The following KIF19 variants were observed in gnomAD, a reference collection of about 807,000 sequenced individuals.
The protein encoded by KIF19 is kinesin family member 19, also known as kinesin-like protein KIF19.
Under a neutral mutation model 106.6 loss-of-function variants are expected in KIF19, and 98 were observed. The observed-to-expected ratio is 0.92, with a 90% confidence interval of 0.78 to 1.09. The LOEUF (loss-of-function observed/expected upper bound fraction) is 1.09, where lower values mean the gene tolerates loss of function less well. Among genes scored for constraint, KIF19 ranks in the 50% least tolerant of loss-of-function variants. The pLI, the probability that KIF19 is intolerant of heterozygous loss-of-function variation, is 0.00. For synonymous variants in KIF19, 516 were observed against 584.2 expected (o/e 0.88, Z 1.68); for missense variants, 1,373 against 1,414.3 (o/e 0.97, Z 0.47).
rs762279913 is a variant in KIF19, at chr17:74,353,499, GGCT to G, written c.2227_2229del (p.Ala743del). 2 of 1,613,776 alleles carry G rather than the reference GGCT, an allele frequency of 1.2e-6. No individual in the cohort carries two copies. The highest frequency in any genetic ancestry group is 1.7e-6 in the Non-Finnish European group (2 of 1,179,812). ...CCAACCACTCCACCCCACAGGCCCC[GGCT>G]CAGGACAGCCTGGGCAGCTGGATCA... On this transcript the variant is annotated inframe_deletion, in exon 17 of 20. Transcript: ENST00000389916.
At chr17:74,347,133 C>T (rs1241307380) in intron 8 of KIF19, among the ~76,000 whole-genome samples, 1 of 152,148 alleles carries the variant, frequency 6.6e-6, no homozygotes, top group Non-Finnish European at 1.5e-5. Context: ...CAGAGGCCTC[C>T]CTGATCTAAT....
intron 17 of KIF19, among the ~76,000 whole-genome samples, chr17:74,353,897 C>T (rs1316584216): frequency 1.3e-5 from 2 of 152,310 alleles, no homozygotes; most frequent in East Asian, 1.9e-4. Context: ...AATATCGATT[C>T]AATGTCTGCC....
At chr17:74,328,308 G>A (rs995240416) in intron 1 of KIF19, 117 bp from the exon 2 acceptor site, 2 of 867,266 alleles carry the variant, frequency 2.3e-6, no homozygotes, top group Non-Finnish European at 3.6e-6. Flanking sequence ...TTTTACTTAG[G>A]ACAAGGGAGG....
chr17:74,345,870 G>A (rs914771865), intron 7 of KIF19, among the ~76,000 whole-genome samples: 21 of 152,112 alleles, frequency 1.4e-4, no homozygotes, highest in African/African-American at 4.1e-4. Flanking sequence ...AGCTGGTCCC[G>A]GCTTCTCCAG....
In KIF19 at chr17:74,355,500, G is replaced by T; in HGVS notation, c.*188G>T. 1 of 732,436 alleles carries T rather than the reference G, an allele frequency of 1.4e-6. No individual in the cohort carries two copies. The highest frequency in any genetic ancestry group is 2.1e-6 in the Non-Finnish European group (1 of 474,868). 45.4% of individuals were successfully genotyped at this position (732,436 alleles called of 1,614,324 possible). A position where few individuals can be genotyped will look rare whatever the true frequency, so the allele number is the denominator to read the frequency against. The stretch of plus-strand genomic sequence containing the variant: ...CTCCCATGCTTTCAGTGCCACTGGG[G>T]AAAAGAGGTGAGGCCAGGGGACATG... On this transcript the variant is annotated 3_prime_UTR_variant, in exon 20 of 20. Transcript: ENST00000389916.
chr17:74,340,384 G>C lies in KIF19; in HGVS notation c.121-1492G>C, dbSNP rs80263690. 7.0e-3 allele frequency among the ~76,000 whole-genome samples: 1,067 copies of C among 152,262 alleles called. 19 individuals are homozygous for C. Among genetic ancestry groups the C allele is most frequent in the African/African-American group, 0.024 (1,001 of 41,526 alleles). On this transcript the variant is annotated intron_variant, in intron 2 of 19. Transcript: ENST00000389916. ...TCCTCTGCATCTCTGCATAGAGCTCGGGACAAGGCTGAGTACACACCAAGT... is the reference window on the plus strand; with the variant it reads ...TCCTCTGCATCTCTGCATAGAGCTCCGGACAAGGCTGAGTACACACCAAGT...
intron 9 of KIF19, chr17:74,348,904 G>T (rs1430483918): frequency 6.3e-6 from 3 of 473,338 alleles, no homozygotes; most frequent in African/African-American, 2.0e-5. Context: ...GGATGTTCAT[G>T]CAGGAGCGGT....
chr17:74,341,422 T>C (rs1320063697), intron 2 of KIF19, among the ~76,000 whole-genome samples: 2 of 152,178 alleles, frequency 1.3e-5, no homozygotes, highest in Non-Finnish European at 1.5e-5. Context: ...GTTGCACCTC[T>C]CTGGCAGAGG....
intron 4 of KIF19, 150 bp downstream of exon 4, chr17:74,342,867 C>A: frequency 3.3e-6 from 4 of 1,209,794 alleles, no homozygotes; most frequent in Admixed American, 2.1e-5. Flanking sequence ...GAGGCCCCAA[C>A]CCGAGCCGGG....
In KIF19 at chr17:74,352,096, T is replaced by C. The variant is rs755970349; in HGVS notation, c.1817T>C (p.Leu606Pro). Reference protein sequence around the residue: ...AVRRLEQHRSLCDEIIQGQRQ... With the variant: ...AVRRLEQHRSPCDEIIQGQRQ... ...CGCCGCCTGGAGCAGCACCGCAGTCTCTGCGACGAGATTATCCAGGGCCAG... is the reference window on the plus strand; with the variant it reads ...CGCCGCCTGGAGCAGCACCGCAGTCCCTGCGACGAGATTATCCAGGGCCAG... The change falls in exon 13 of 20, where the codon CTC (leucine) becomes CCC (proline). Residue 606 changes from leucine (L) to proline (P), a missense_variant. Physicochemically the swap from Leu to Pro is moderately conservative, Grantham distance 98 (BLOSUM62 -3). Around this residue, in one of 3 missense-constraint regions of KIF19, gnomAD observed 1,020 missense variants for 1,008.2 expected, o/e 1.01. Transcript: ENST00000389916. The C allele has an allele frequency of 2.3e-5, 37 of 1,588,604 alleles. No individual in the cohort carries two copies. The Middle Eastern group carries it at 6.7e-4, about 29-fold the overall frequency.
At chr17:74,342,885 C>A in intron 4 of KIF19, 139 bp from the exon 5 acceptor site, 2 of 1,221,022 alleles carry the variant, frequency 1.6e-6, no homozygotes, top group Non-Finnish European at 1.1e-6. Context: ...GGGGCATCAT[C>A]CTCCCCACTC....
rs2144185917 is a variant in KIF19 at position 74,328,417 on chromosome 17, C to T, written c.40-8C>T. On this transcript the variant is annotated splice_polypyrimidine_tract_variant and splice_region_variant and intron_variant, in intron 1 of 19. Coordinates refer to ENST00000389916, the MANE Select transcript of KIF19 (RefSeq NM_153209.4). ...CTCTAATCCCAGGGGCTTGGTTTTC[C>T]CTCCCAGGTGGCGCTTCGGGTCCGG... 1.2e-6 allele frequency: 2 copies of T among 1,602,878 alleles called. No individual in the cohort carries two copies. The highest frequency in any genetic ancestry group is 1.3e-5 in the African/African-American group (1 of 74,884).
Position 74,354,289 on chromosome 17 carries a change from G to A in KIF19, c.2436G>A (p.Leu812=), listed in dbSNP as rs781424342. Residue 812 remains leucine (L), a synonymous_variant, in exon 18 of 20, where the codon CTG becomes CTA. Coordinates refer to ENST00000389916, the MANE Select transcript of KIF19 (RefSeq NM_153209.4). ...CGACAGAGCGCAGCAGCCTGTCCCT[G>A]CACTCACTGAGCGAGGGCGACGATG... is the stretch of plus-strand genomic sequence containing the variant. The part of the protein sequence containing the change: ...APATERSSLS[L]HSLSEGDDAR... 2 of 1,608,726 alleles carry A rather than the reference G, an allele frequency of 1.2e-6. No homozygotes were observed. The highest frequency in any genetic ancestry group is 1.1e-5 in the South Asian group (1 of 90,946).
chr17:74,355,600 C>A lies in KIF19; in HGVS notation c.*288C>A. The A allele has an allele frequency of 6.7e-6, 2 of 299,398 alleles. No homozygotes were observed. The highest frequency in any genetic ancestry group is 1.2e-5 in the Non-Finnish European group (2 of 168,678). 18.5% of individuals were successfully genotyped at this position (299,398 alleles called of 1,614,324 possible). On this transcript the variant is annotated 3_prime_UTR_variant, in exon 20 of 20. Transcript: ENST00000389916. ...TGCCAAAACCTGCACAGCCCTGAGG[C>A]CAGCCTCGGCCTTGGTAACGGAGGA...
At chr17:74,354,983 C>G in intron 19 of KIF19, 42 bp downstream of exon 19, 1 of 1,568,194 alleles carries the variant, frequency 6.4e-7, no homozygotes, top group Non-Finnish European at 8.7e-7. Flanking sequence ...GAGGCCTCCA[C>G]CAGGCAGGGG....
Position 74,346,393 on chromosome 17 carries a change from C to T in KIF19, c.793C>T (p.Gln265Ter). ...ERASQTQNRG[Q>*]RMKEGAHINR... The stretch of plus-strand genomic sequence containing the variant: ...CGCCCCCTAGACACAGAATCGTGGG[C>T]AGCGTATGAAGGAGGGGGCCCACAT... Residue 265 changes from glutamine to a stop codon, truncating the protein, a stop_gained, in exon 8 of 20, where the codon CAG (glutamine) becomes TAG (stop). Transcript: ENST00000389916. LOFTEE classifies it high-confidence loss of function. This position sits in a 1 kb window ranked among gnomAD's most constrained non-coding sequence, Gnocchi z 4.6. The T allele has an allele frequency of 1.3e-6, 2 of 1,575,930 alleles. No individual in the cohort carries two copies. The highest frequency in any genetic ancestry group is 8.6e-7 in the Non-Finnish European group (1 of 1,161,078).
chr17:74,349,742 C>T (rs2054641884), intron 10 of KIF19, among the ~76,000 whole-genome samples: 2 of 151,862 alleles, frequency 1.3e-5, no homozygotes, highest in African/African-American at 4.8e-5. Context: ...TTCCAACAGA[C>T]AGTAAAGCTT....
At position 74,326,563 on chromosome 17, in the gene KIF19, G is replaced by A. The variant is rs373893997; in HGVS notation, c.39+175G>A. On this transcript the variant is annotated intron_variant, in intron 1 of 19. Transcript: ENST00000389916. ...TCCTGCAGGATGGGTGTCAAGAAGG[G>A]ACCATGGCCTTTTTAGACTTTCCTG... 2.3e-4 allele frequency among the ~76,000 whole-genome samples: 35 copies of A among 152,252 alleles called. 1 individual carries two copies. The East Asian group carries it at 4.8e-3, about 21-fold the overall frequency.
chr17:74,342,329 C>T lies in KIF19; in HGVS notation c.232-301C>T, dbSNP rs150311591. Among the ~76,000 whole-genome samples, 85 of 152,286 alleles carry T rather than the reference C, an allele frequency of 5.6e-4. 1 individual carries two copies. The East Asian group carries it at 0.014, about 25-fold the overall frequency. Reference sequence around the variant, plus strand: ...GCGAAGCTGACACCCTCCTCGAGGACCCCCATCTCGCCCATCTGTGGGATG... The same window carrying T: ...GCGAAGCTGACACCCTCCTCGAGGATCCCCATCTCGCCCATCTGTGGGATG... On this transcript the variant is annotated intron_variant, in intron 3 of 19. Transcript: ENST00000389916.
Sources: allele counts gnomAD v4.1 joint callset (sites outside exome capture counted in the v4.1 genomes callset), GRCh38; gene constraint gnomAD v4.1.1; regional missense constraint gnomAD v4.1.1; non-coding constraint Gnocchi (gnomAD v3.1); transcripts MANE v1.5; gene names NCBI Gene and HGNC (gene_info 2026-07-23, HGNC 2026-07-21).